Variants in PSG6 observed in about 807,000 individuals in gnomAD.
The protein encoded by PSG6 is pregnancy-specific beta-1-glycoprotein 6.
PSG6 carries 51 observed loss-of-function variants against 43.3 expected under a neutral mutation model. That is an observed-to-expected ratio of 1.18 (90% CI 0.94 to 1.49). The LOEUF (loss-of-function observed/expected upper bound fraction) is 1.49, where lower values mean the gene tolerates loss of function less well. Ranked by LOEUF, PSG6 falls within the 40% of genes most tolerant of loss-of-function variation. The pLI, the probability that PSG6 is intolerant of heterozygous loss-of-function variation, is 0.00. For missense variants in PSG6, 770 were observed against 522.2 expected (o/e 1.47, Z -4.62); for synonymous variants, 292 against 197.6 (o/e 1.48, Z -4.01).
At chr19:42,906,720 A>G (rs1052326270) in intron 5 of PSG6, 6 of 1,509,792 alleles carry the variant, frequency 4.0e-6, no homozygotes, top group Non-Finnish European at 8.9e-7. Context: ...CAGGCCAGAC[A>G]CAAGGTCAGC....
Position 42,904,283 on chromosome 19 carries a change from G to A in PSG6, c.1241-1837C>T, listed in dbSNP as rs542695913. On this transcript the variant is annotated intron_variant, in intron 5 of 5. Coordinates refer to ENST00000187910, the MANE Select transcript of PSG6 (RefSeq NM_001031850.4). ...ATTGACACTTTTATTCAACATAGTA[G>A]TGAAAGGTCTAATCAGAAAAATTAG... 2.6e-5 allele frequency among the ~76,000 whole-genome samples: 4 copies of A among 151,766 alleles called. No homozygotes were observed. In the South Asian group the frequency reaches 6.3e-4, roughly 24 times the overall value.
rs998123228 is a variant in PSG6, at chr19:42,906,501, T to C, written c.1240+421A>G. 1.8e-4 allele frequency: 216 copies of C among 1,219,326 alleles called. 4 individuals are homozygous for C. Among genetic ancestry groups the C allele is most frequent in the Non-Finnish European group, 2.0e-4 (195 of 964,426 alleles). The allele number at this position is 1,219,326 out of a possible 1,614,324, so 75.5% of individuals were successfully genotyped here. A position where few individuals can be genotyped will look rare whatever the true frequency, so the allele number is the denominator to read the frequency against. The stretch of plus-strand genomic sequence containing the variant: ...CACCCAAAGGGCTTCCTCCTCTCAT[T>C]TGGGGGAAAAGTGTGAGCTTGTTTC... On this transcript the variant is annotated intron_variant, in intron 5 of 5. Coordinates refer to ENST00000187910, the MANE Select transcript of PSG6 (RefSeq NM_001031850.4).
Position 42,904,055 on chromosome 19 carries a change from T to G in PSG6, c.1241-1609A>C, listed in dbSNP as rs149535572. 6.3e-4 allele frequency among the ~76,000 whole-genome samples: 95 copies of G among 151,812 alleles called. 2 individuals carry two copies. Among genetic ancestry groups the G allele is most frequent in the African/African-American group, 2.1e-3 (86 of 41,404 alleles). On this transcript the variant is annotated intron_variant, in intron 5 of 5. Transcript: ENST00000187910. Reference sequence around the variant, plus strand: ...CTAGAAACACACAAAAATATGAATATAACTATAATCAGTAAGAAGATTGAA... The same window carrying G: ...CTAGAAACACACAAAAATATGAATAGAACTATAATCAGTAAGAAGATTGAA...
In PSG6 at chr19:42,909,981, C is replaced by G. The variant is rs561326152; in HGVS notation, c.706+599G>C. ...ACCAGTGGCTGAGTTATGGATGAAACAGACATAGACCCCTCTATATGTTTT... is the reference window on the plus strand; with the variant it reads ...ACCAGTGGCTGAGTTATGGATGAAAGAGACATAGACCCCTCTATATGTTTT... On this transcript the variant is annotated intron_variant, in intron 3 of 5. Coordinates refer to ENST00000187910, the MANE Select transcript of PSG6 (RefSeq NM_001031850.4). 6.7e-4 allele frequency: 105 copies of G among 156,988 alleles called. 2 individuals carry two copies. Among genetic ancestry groups the G allele is most frequent in the African/African-American group, 2.3e-3 (95 of 41,434 alleles). 9.7% of individuals were successfully genotyped at this position (156,988 alleles called of 1,614,324 possible). A position where few individuals can be genotyped will look rare whatever the true frequency, so the allele number is the denominator to read the frequency against.
Position 42,916,137 on chromosome 19 carries a change from C to T in PSG6, c.415G>A (p.Val139Ile), listed in dbSNP as rs746297735. The change falls in exon 2 of 6, where the codon GTC becomes ATC. Residue 139 changes from valine to isoleucine, a missense_variant. By Grantham distance (29) the Val-to-Ile change is conservative. Transcript: ENST00000187910. ...CGGAATCACTCACAGTATAAGGTGA[C>T]AGTGAAATATCCAGTTACTCCTCCA... Reference protein sequence around the residue: ...GTGGVTGYFTVTLYSETPKPS... With the variant: ...GTGGVTGYFTITLYSETPKPS... The T allele has an allele frequency of 3.7e-6, 6 of 1,611,240 alleles. No individual in the cohort carries two copies. The African/African-American group carries it at 5.4e-5, about 14-fold the overall frequency.
chr19:42,906,769 G>C, intron 5 of PSG6, 153 bp downstream of exon 5: 1 of 1,584,968 alleles, frequency 6.3e-7, no homozygotes, highest in Non-Finnish European at 8.6e-7. Context: ...AGAGTCTGTA[G>C]AGATAAGTTG....
At position 42,912,141 on chromosome 19, in the gene PSG6, G is replaced by C. The variant is rs967669940; in HGVS notation, c.428-1283C>G. On this transcript the variant is annotated intron_variant, in intron 2 of 5. Transcript: ENST00000187910. ...AATTTAAAATCCACAATGCGCGAGT[G>C]AGCACTTCTTTTTAGCATCACATCA... is the stretch of plus-strand genomic sequence containing the variant. 1.5e-4 allele frequency among the ~76,000 whole-genome samples: 23 copies of C among 151,732 alleles called. 2 individuals are homozygous for C. In the South Asian group the frequency reaches 4.8e-3, roughly 32 times the overall value.
At chr19:42,912,538 A>T (rs1382006641) in intron 2 of PSG6, among the ~76,000 whole-genome samples, 1 of 151,790 alleles carries the variant, frequency 6.6e-6, no homozygotes, top group Non-Finnish European at 1.5e-5. Context: ...CGAACTGGTT[A>T]GTGTGTCAAT....
intron 2 of PSG6, among the ~76,000 whole-genome samples, chr19:42,912,646 A>G (rs1476888591): frequency 9.2e-5 from 14 of 151,972 alleles, no homozygotes; most frequent in African/African-American, 3.1e-4. Context: ...GCAGAGTTAC[A>G]AAACATGGGG....
chr19:42,909,064 T>C (rs1972171424), intron 3 of PSG6, among the ~76,000 whole-genome samples: 2 of 151,774 alleles, frequency 1.3e-5, no homozygotes, highest in African/African-American at 4.8e-5. Context: ...ATTTTTTGAT[T>C]CTCAAATATT....
chr19:42,914,011 A>C (rs1393261593), intron 2 of PSG6, among the ~76,000 whole-genome samples: 3 of 151,668 alleles, frequency 2.0e-5, no homozygotes, highest in African/African-American at 7.3e-5. Flanking sequence ...TCTTTACTGC[A>C]AACCACCATT....
Position 42,902,288 on chromosome 19 carries a change from A to G in PSG6, c.*124T>C. 1 of 1,229,912 alleles carries G rather than the reference A, an allele frequency of 8.1e-7. No individual in the cohort carries two copies. The highest frequency in any genetic ancestry group is 1.1e-6 in the Non-Finnish European group (1 of 896,556). The allele number at this position is 1,229,912 out of a possible 1,614,324, so 76.2% of individuals were successfully genotyped here. On this transcript the variant is annotated 3_prime_UTR_variant, in exon 6 of 6. Transcript: ENST00000187910. ...AGAATCAGCACATTTTCCAATAAAA[A>G]ATTATGAAAACATTATCCTTTTGAT...
intron 2 of PSG6, among the ~76,000 whole-genome samples, chr19:42,914,078 G>A (rs1398796768): frequency 6.6e-6 from 1 of 151,566 alleles, no homozygotes; most frequent in African/African-American, 2.4e-5. Context: ...AGAGGAACTT[G>A]TCTGGCAATT....
Position 42,906,913 on chromosome 19 carries a change from T to A in PSG6, c.1240+9A>T, listed in dbSNP as rs1322382827. On this transcript the variant is annotated intron_variant, in intron 5 of 5. Transcript: ENST00000187910. ...AACCCTATTGCCAAGGATGCTGGGA[T>A]CCACTTACCAGAGACTTTGACTATC... 1.2e-6 allele frequency: 2 copies of A among 1,612,160 alleles called. No homozygotes were observed. The highest frequency in any genetic ancestry group is 1.7e-5 in the Admixed American group (1 of 59,874).
At chr19:42,903,815 C>T (rs1489770841) in intron 5 of PSG6, 87 of 1,405,790 alleles carry the variant, frequency 6.2e-5, no homozygotes, top group Non-Finnish European at 7.8e-5. Flanking sequence ...ATTGCTTGAG[C>T]CCAGGAGGTT....
chr19:42,909,762 G>C (rs919409214), intron 3 of PSG6: 1 of 151,786 alleles, frequency 6.6e-6, no homozygotes, highest in South Asian at 2.1e-4. Context: ...AAGAGTGAAG[G>C]GGACAGGCAG....
At position 42,916,014 on chromosome 19, in the gene PSG6, G is replaced by T; in HGVS notation, c.427+111C>A. 2.6e-6 allele frequency: 4 copies of T among 1,548,130 alleles called. No individual in the cohort carries two copies. In the South Asian group the frequency reaches 3.6e-5, roughly 14 times the overall value. On this transcript the variant is annotated intron_variant, in intron 2 of 5. Transcript: ENST00000187910. ...ACTAAATGCCCAAACCCCAGCATGG[G>T]ACATAATGCAGAGAGTGACACAGGC...
intron 2 of PSG6, among the ~76,000 whole-genome samples, chr19:42,914,880 A>T (rs1453804383): frequency 1.3e-5 from 2 of 151,566 alleles, no homozygotes; most frequent in African/African-American, 4.9e-5. Context: ...TGGGAAACAC[A>T]GGATTTCACA....
chr19:42,910,224 A>C, intron 3 of PSG6: 1 of 442,340 alleles, frequency 2.3e-6, no homozygotes, highest in Non-Finnish European at 4.1e-6. Flanking sequence ...GGGAAGGGAA[A>C]ATCCTGGTCT....
Sources: gnomAD v4.1 joint callset for allele counts (sites outside exome capture counted in the v4.1 genomes callset) on GRCh38, gnomAD v4.1.1 for gene constraint, MANE v1.5 for transcripts, NCBI Gene and HGNC (gene_info 2026-07-23, HGNC 2026-07-21) for gene names.